VWA3B: variants seen among roughly 807,000 people sequenced by gnomAD.
VWA3B encodes von Willebrand factor A domain-containing protein 3B.
A neutral mutation model predicts 158.3 loss-of-function variants in VWA3B; 138 were observed. That is an observed-to-expected ratio of 0.87 (90% CI 0.76 to 1.00). The LOEUF (loss-of-function observed/expected upper bound fraction) is 1.00. Ranked by LOEUF, VWA3B falls within the 50% of genes least tolerant of loss-of-function variation. The pLI, the probability that VWA3B is intolerant of heterozygous loss-of-function variation, is 0.00. For synonymous variants in VWA3B, 596 were observed against 587.3 expected, an observed-to-expected ratio of 1.01 and a Z score of -0.21; for missense variants, 1,555 against 1,565.1, an observed-to-expected ratio of 0.99 and a Z score of 0.11.
chr2:98,198,946 G>T (rs908310724), intron 12 of VWA3B, among the ~76,000 whole-genome samples: 9 of 152,134 alleles, frequency 5.9e-5, no homozygotes, highest in African/African-American at 2.2e-4. Flanking sequence ...AATTAGCCAG[G>T]TGTGGTGGTG....
At chr2:98,091,124 C>T (rs143093897) in intron 1 of VWA3B, among the ~76,000 whole-genome samples, 8 of 152,230 alleles carry the variant, frequency 5.3e-5, no homozygotes, top group Admixed American at 2.0e-4. Flanking sequence ...GATTAGCGTT[C>T]CGGATGAGGA....
chr2:98,282,965 G>A (rs925713801), intron 22 of VWA3B, among the ~76,000 whole-genome samples: 5 of 152,174 alleles, frequency 3.3e-5, no homozygotes, highest in Admixed American at 6.6e-5. Flanking sequence ...TTCTCTATCA[G>A]AAGAATTGGG....
At chr2:98,089,216 C>A (rs1402675204) in intron 1 of VWA3B, among the ~76,000 whole-genome samples, 5 of 152,112 alleles carry the variant, frequency 3.3e-5, no homozygotes, top group Non-Finnish European at 7.3e-5. Flanking sequence ...ACTCTCACAC[C>A]AAGTGCCTGC....
intron 6 of VWA3B, chr2:98,133,560 T>C: frequency 2.3e-6 from 1 of 437,016 alleles, no homozygotes; most frequent in Admixed American, 3.7e-5. Flanking sequence ...GACCAAGAAA[T>C]ACCATTTGGT....
At chr2:98,212,280 C>A (rs1683593976) in intron 13 of VWA3B, 1 of 330,710 alleles carries the variant, frequency 3.0e-6, no homozygotes, top group Admixed American at 4.3e-5. Flanking sequence ...TGGAGACCAG[C>A]CCCACAAAAG....
intron 2 of VWA3B, among the ~76,000 whole-genome samples, chr2:98,097,113 A>G (rs1157568704): frequency 6.6e-6 from 1 of 152,032 alleles, no homozygotes; most frequent in Non-Finnish European, 1.5e-5. Context: ...AAATTTTTTT[A>G]CTTCAGTAGA....
chr2:98,293,585 C>A (rs1024184672), intron 23 of VWA3B, among the ~76,000 whole-genome samples: 1 of 152,180 alleles, frequency 6.6e-6, no homozygotes. Context: ...CAATTTTTAA[C>A]ATTTGGTCAC....
intron 20 of VWA3B, among the ~76,000 whole-genome samples, chr2:98,255,576 A>G (rs4851122): frequency 6.6e-6 from 1 of 151,668 alleles, no homozygotes; most frequent in African/African-American, 2.4e-5. Context: ...TGAAAACGCG[A>G]TCAGTCTCAG....
intron 10 of VWA3B, among the ~76,000 whole-genome samples, chr2:98,188,909 G>T (rs935552285): frequency 1.3e-5 from 2 of 152,214 alleles, no homozygotes; most frequent in African/African-American, 4.8e-5. Flanking sequence ...GTCACACCTT[G>T]TGGTAGGAGG....
chr2:98,096,805 C>G (rs1159351356), intron 2 of VWA3B, among the ~76,000 whole-genome samples: 1 of 151,942 alleles, frequency 6.6e-6, no homozygotes, highest in Admixed American at 6.6e-5. Flanking sequence ...AGTCTTCTCT[C>G]TTTTTTTCTT....
chr2:98,174,637 G>A (rs1679858618), intron 8 of VWA3B, among the ~76,000 whole-genome samples: 1 of 152,210 alleles, frequency 6.6e-6, no homozygotes, highest in South Asian at 2.1e-4. Context: ...ATGTCCATTG[G>A]TCTTTCCAAA....
chr2:98,176,015 T>C (rs1679984170), intron 8 of VWA3B, among the ~76,000 whole-genome samples: 1 of 152,176 alleles, frequency 6.6e-6, no homozygotes, highest in Non-Finnish European at 1.5e-5. Flanking sequence ...CGAGCTTCTC[T>C]CTCACACCAC....
At chr2:98,279,052 G>A (rs1267735840) in intron 22 of VWA3B, among the ~76,000 whole-genome samples, 2 of 152,190 alleles carry the variant, frequency 1.3e-5, no homozygotes, top group African/African-American at 4.8e-5. Context: ...AGGGCATGTG[G>A]CCAGAGTGAA....
chr2:98,255,182 ATTTTTTTTTTTTTTT>A (rs769708577), intron 20 of VWA3B, among the ~76,000 whole-genome samples: 2 of 52,140 alleles, frequency 3.8e-5, no homozygotes, highest in African/African-American at 1.4e-4. Flanking sequence ...CCCGGCTGAT[ATTTTTTTTTTTTTTT>A]TTTTTTTTTT....
In VWA3B at chr2:98,156,666, G is replaced by GT. The variant is rs34156416; in HGVS notation, c.989-6166dup. 3.2e-3 allele frequency among the ~76,000 whole-genome samples: 359 copies of GT among 113,052 alleles called. 2 individuals are homozygous for GT. The highest frequency in any genetic ancestry group is 5.2e-3 in the Non-Finnish European group (270 of 52,100). 74.2% of individuals were successfully genotyped at this position (113,052 alleles called of 152,430 possible). A position where few individuals can be genotyped will look rare whatever the true frequency, so the allele number is the denominator to read the frequency against. ...GGATGGAAAAACTGAAAAAAACTCA[G>GT]TTTTTTTTTTTTTTTTTTTGTAAAT... On this transcript the variant is annotated intron_variant, in intron 7 of 27. Transcript: ENST00000477737.
intron 2 of VWA3B, among the ~76,000 whole-genome samples, chr2:98,105,793 C>T (rs1469718305): frequency 6.6e-6 from 1 of 151,998 alleles, no homozygotes; most frequent in Non-Finnish European, 1.5e-5. Flanking sequence ...TGTTCAGTTG[C>T]TCCAGTGCAT....
chr2:98,327,867 C>T, the VWA3B span, among the ~76,000 whole-genome samples: 6 of 152,312 alleles, frequency 3.9e-5, no homozygotes, highest in South Asian at 8.3e-4. Flanking sequence ...GTGTGCTTCA[C>T]GTACCCCACG....
intron 13 of VWA3B, 99 bp downstream of exon 13, chr2:98,212,127 C>T: frequency 1.0e-6 from 1 of 969,974 alleles, no homozygotes; most frequent in East Asian, 2.5e-5. Context: ...CACCAAAAAT[C>T]TGTGGACATA....
intron 12 of VWA3B, among the ~76,000 whole-genome samples, chr2:98,201,678 G>T (rs1482317827): frequency 4.6e-5 from 7 of 151,976 alleles, no homozygotes; most frequent in Admixed American, 4.6e-4. Context: ...TCTATTCTTG[G>T]TTTTTTGAGG....
Sources: gnomAD v4.1 joint callset for allele counts (sites outside exome capture counted in the v4.1 genomes callset) on GRCh38, gnomAD v4.1.1 for gene constraint, MANE v1.5 for transcripts, NCBI Gene and HGNC (gene_info 2026-07-23, HGNC 2026-07-21) for gene names.